Variants in AP1S1 observed in about 807,000 individuals in gnomAD.
AP1S1 encodes the protein adaptor related protein complex 1 subunit sigma 1, also known as AP-1 complex subunit sigma-1A.
Under a neutral mutation model 23.9 loss-of-function variants are expected in AP1S1, and 13 were observed. The observed-to-expected ratio is 0.54, with a 90% CI of 0.35 to 0.86. The LOEUF is 0.86. Ranked by LOEUF, AP1S1 falls within the 40% of genes least tolerant of loss-of-function variation. The pLI is 0.01. For missense variants in AP1S1, 119 were observed against 197.6 expected (o/e 0.60, Z 2.38); for synonymous variants, 84 against 77.7 (o/e 1.08, Z -0.43).
Position 101,160,406 on chromosome 7 carries a change from C to G in AP1S1, c.430-113C>G, listed in dbSNP as rs577386304. The G allele has an allele frequency of 9.9e-5, 129 of 1,299,282 alleles. No individual in the cohort carries two copies. The African/African-American group carries it at 1.7e-3, about 17-fold the overall frequency. The allele number at this position is 1,299,282 out of a possible 1,614,324, so 80.5% of individuals were successfully genotyped here. A position where few individuals can be genotyped will look rare whatever the true frequency, so the allele number is the denominator to read the frequency against. ...TGGGCTCACATTGGCTTCTCTCCCC[C>G]TCCCCCGTGTCTGTGCCTCCCCCGT... On this transcript the variant is annotated intron_variant, in intron 4 of 4. Coordinates refer to ENST00000337619, the MANE Select transcript of AP1S1 (RefSeq NM_001283.5).
At chr7:101,154,953 G>T (rs1050162552) in intron 1 of AP1S1, 2 of 1,036,188 alleles carry the variant, frequency 1.9e-6, no homozygotes, top group Non-Finnish European at 2.3e-6. Flanking sequence ...GAGGGGTGTG[G>T]GAGGGGAGTT....
intron 3 of AP1S1, 53 bp from the exon 4 acceptor site, chr7:101,159,006 A>G: frequency 1.3e-6 from 2 of 1,599,982 alleles, no homozygotes; most frequent in Non-Finnish European, 1.7e-6. Context: ...TTGAAAAGGA[A>G]GTGGCTCCAG....
Position 101,161,276 on chromosome 7 carries a change from A to C in AP1S1, c.*710A>C. On this transcript the variant is annotated 3_prime_UTR_variant, in exon 5 of 5. Coordinates refer to ENST00000337619, the MANE Select transcript of AP1S1 (RefSeq NM_001283.5). ...GAAATAAAAGTAAAAGCATTTCTGGACTTTGCTGGCCTTGGGCTCTGTGAA... is the reference window on the plus strand; with the variant it reads ...GAAATAAAAGTAAAAGCATTTCTGGCCTTTGCTGGCCTTGGGCTCTGTGAA... 6.0e-6 allele frequency: 1 copy of C among 167,502 alleles called. No individual in the cohort carries two copies. The highest frequency in any genetic ancestry group is 5.6e-5 in the Admixed American group (1 of 17,700). The allele number at this position is 167,502 out of a possible 1,614,324, so 10.4% of individuals were successfully genotyped here.
intron 1 of AP1S1, 130 bp from the exon 2 acceptor site, chr7:101,156,464 C>G (rs1398990986): frequency 9.1e-7 from 1 of 1,101,098 alleles, no homozygotes; most frequent in Admixed American, 2.6e-5. Flanking sequence ...TCTGACTTCC[C>G]CCTGCTGGTG....
intron 2 of AP1S1, among the ~76,000 whole-genome samples, chr7:101,157,084 A>G (rs188153150): frequency 2.0e-5 from 3 of 152,120 alleles, no homozygotes; most frequent in East Asian, 1.9e-4. Flanking sequence ...ACACACACGC[A>G]CACACACACC....
At chr7:101,158,278 G>C (rs189696925) in intron 3 of AP1S1, among the ~76,000 whole-genome samples, 1 of 152,154 alleles carries the variant, frequency 6.6e-6, no homozygotes, top group Non-Finnish European at 1.5e-5. Context: ...GTGCTTTTGC[G>C]TCCTCTCGTT....
rs1385820695 is a variant in AP1S1, at chr7:101,156,776, A to C, written c.182+4A>C. On this transcript the variant is annotated splice_donor_region_variant and intron_variant, in intron 2 of 4. Coordinates refer to ENST00000337619, the MANE Select transcript of AP1S1 (RefSeq NM_001283.5). ...ACCTCAAAGTTGTCTATAAGAGGTGACTCCCCACCTACTTTCAGACCTGCC... is the reference window on the plus strand; with the variant it reads ...ACCTCAAAGTTGTCTATAAGAGGTGCCTCCCCACCTACTTTCAGACCTGCC... 1 of 1,536,798 alleles carries C rather than the reference A, an allele frequency of 6.5e-7. No homozygotes were observed. The highest frequency in any genetic ancestry group is 8.8e-7 in the Non-Finnish European group (1 of 1,134,674).
At position 101,159,414 on chromosome 7, in the gene AP1S1, C is replaced by T; in HGVS notation, c.429+218C>T. 3 of 592,430 alleles carry T rather than the reference C, an allele frequency of 5.1e-6. No homozygotes were observed. In the South Asian group the frequency reaches 6.9e-5, roughly 14 times the overall value. The allele number at this position is 592,430 out of a possible 1,614,324, so 36.7% of individuals were successfully genotyped here. ...GCAGATAGCCCACCTGTGCACCCCT[C>T]ATTCCAAGCTCTGTCCTTCTCCCAA... On this transcript the variant is annotated intron_variant, in intron 4 of 4. Transcript: ENST00000337619.
Position 101,159,232 on chromosome 7 carries a change from G to A in AP1S1, c.429+36G>A, listed in dbSNP as rs371038646. On this transcript the variant is annotated intron_variant, in intron 4 of 4. Transcript: ENST00000337619. ...GGGACAGTGAGGAGGAGGAGGAAGC[G>A]CACAGTGGCGGACAGGGTCCTCCCT... is the stretch of plus-strand genomic sequence containing the variant. 52 of 1,581,286 alleles carry A rather than the reference G, an allele frequency of 3.3e-5. No individual in the cohort carries two copies. In the African/African-American group the frequency reaches 5.5e-4, roughly 17 times the overall value.
chr7:101,160,371 G>T, intron 4 of AP1S1, 148 bp from the exon 5 acceptor site: 1 of 954,170 alleles, frequency 1.0e-6, no homozygotes, highest in Admixed American at 2.0e-5. Context: ...AGGGCTCACT[G>T]GTCCGGCCTT....
chr7:101,161,240 T>G lies in AP1S1; in HGVS notation c.*674T>G. ...GGAGGGGGAAGTGTCTGCCTTTATG[T>G]CCTTTCTTCTGAAATAAAAGTAAAA... On this transcript the variant is annotated 3_prime_UTR_variant, in exon 5 of 5. Coordinates refer to ENST00000337619, the MANE Select transcript of AP1S1 (RefSeq NM_001283.5). 5.8e-6 allele frequency: 1 copy of G among 172,668 alleles called. No individual in the cohort carries two copies. The allele number at this position is 172,668 out of a possible 1,614,324, so 10.7% of individuals were successfully genotyped here.
chr7:101,160,149 C>T (rs1418833114), intron 4 of AP1S1, among the ~76,000 whole-genome samples: 1 of 152,076 alleles, frequency 6.6e-6, no homozygotes, highest in Non-Finnish European at 1.5e-5. Context: ...AAAACAGGAC[C>T]CAGTCAGCTG....
At chr7:101,156,897 T>C (rs989057286) in intron 2 of AP1S1, 125 bp downstream of exon 2, 4 of 691,284 alleles carry the variant, frequency 5.8e-6, no homozygotes. Flanking sequence ...AGGACAGTAA[T>C]GAATGTCAGC....
Position 101,156,447 on chromosome 7 carries a change from C to G in AP1S1, c.4-147C>G, listed in dbSNP as rs1028009941. ...AGGATTTGAACCCAGCTGACAGACT[C>G]AGAAGCTCTGACTTCCCCCTGCTGG... On this transcript the variant is annotated intron_variant, in intron 1 of 4. Coordinates refer to ENST00000337619, the MANE Select transcript of AP1S1 (RefSeq NM_001283.5). 50 of 923,064 alleles carry G rather than the reference C, an allele frequency of 5.4e-5. No individual in the cohort carries two copies. The East Asian group carries it at 1.2e-3, about 22-fold the overall frequency. The allele number at this position is 923,064 out of a possible 1,614,324, so 57.2% of individuals were successfully genotyped here.
intron 4 of AP1S1, among the ~76,000 whole-genome samples, chr7:101,160,122 C>T (rs1004017870): frequency 4.6e-5 from 7 of 152,094 alleles, no homozygotes; most frequent in Admixed American, 1.3e-4. Context: ...CCTCCCTCTG[C>T]CTTTTCCCCA....
chr7:101,155,063 G>T (rs1216893865), intron 1 of AP1S1: 1 of 982,950 alleles, frequency 1.0e-6, no homozygotes, highest in Non-Finnish European at 1.2e-6. Context: ...GTTTTTCTCC[G>T]AGGGACCCAG....
intron 3 of AP1S1, among the ~76,000 whole-genome samples, chr7:101,158,412 C>T (rs1350644347): frequency 6.6e-6 from 1 of 152,174 alleles, no homozygotes; most frequent in Admixed American, 6.5e-5. Context: ...CTGCTTGGAA[C>T]TCAAGTCTTC....
Position 101,159,126 on chromosome 7 carries a change from G to C in AP1S1, c.359G>C (p.Gly120Ala), listed in dbSNP as rs200310743. 1.8e-4 allele frequency: 286 copies of C among 1,613,814 alleles called. No homozygotes were observed. Among genetic ancestry groups the C allele is most frequent in the Non-Finnish European group, 2.2e-4 (254 of 1,179,810 alleles). ...AYFILDEFLM[G>A]GDVQDTSKKS... The stretch of plus-strand genomic sequence containing the variant: ...TTCATCCTGGATGAGTTTTTGATGG[G>C]GGGGGATGTCCAGGACACCTCCAAG... Residue 120 changes from glycine (G) to alanine (A), a missense_variant, in exon 4 of 5, where the codon GGG becomes GCG. Physicochemically the swap from Gly to Ala is moderately conservative, Grantham distance 60. Coordinates refer to ENST00000337619, the MANE Select transcript of AP1S1 (RefSeq NM_001283.5).
intron 1 of AP1S1, chr7:101,154,906 C>A: frequency 1.9e-6 from 2 of 1,033,794 alleles, no homozygotes; most frequent in South Asian, 3.5e-5. Context: ...ACCCCCTTCC[C>A]GGGCTGCACA....
Sources: allele counts gnomAD v4.1 joint callset (sites outside exome capture counted in the v4.1 genomes callset), GRCh38; gene constraint gnomAD v4.1.1; transcripts MANE v1.5; gene names NCBI Gene and HGNC (gene_info 2026-07-23, HGNC 2026-07-21).